Variants in DMD observed in about 807,000 individuals in gnomAD.
The protein encoded by DMD is dystrophin, also known as mutant dystrophin.
Under a neutral mutation model 330.1 loss-of-function variants are expected in DMD, and 63 were observed. That is an observed-to-expected ratio of 0.19 (90% confidence interval 0.16 to 0.24). DMD has a LOEUF of 0.24. Ranked by LOEUF, DMD falls within the 10% of genes least tolerant of loss-of-function variation. The pLI is 1.00. For synonymous variants in DMD, 1,223 were observed against 959.8 expected, an observed-to-expected ratio of 1.27 and a Z score of -5.07; for missense variants, 3,344 against 2,684.1, an observed-to-expected ratio of 1.25 and a Z score of -5.43.
At chrX:32,087,931 G>A (rs1327290289) in intron 44 of DMD, among the ~76,000 whole-genome samples, 2 of 112,189 alleles carry the variant, frequency 1.8e-5, no homozygotes, top group African/African-American at 6.5e-5. Context: ...ACACACAGAT[G>A]AATCTGACAT....
At position 32,193,181 on chromosome X, in the gene DMD, G is replaced by A. The variant is rs189120117; in HGVS notation, c.6438+23735C>T. ...GCTTCCCGAAGCCTCCACAGAAGGA[G>A]ATGCTGCTATGCTTCCGGTACAGCC... On this transcript the variant is annotated intron_variant, in intron 44 of 78. Transcript: ENST00000357033. Among the ~76,000 whole-genome samples, 10 of 111,748 alleles carry A rather than the reference G, an allele frequency of 8.9e-5. No individual in the cohort carries two copies. In the Admixed American group the frequency reaches 9.6e-4, roughly 11 times the overall value.
chrX:32,743,968 T>C (rs1315198434), intron 7 of DMD, among the ~76,000 whole-genome samples: 1 of 111,170 alleles, frequency 9.0e-6, no homozygotes, highest in African/African-American at 3.3e-5. Flanking sequence ...GCCTAATAAA[T>C]ATATAGAAAC....
At chrX:33,111,859 C>T (rs2095342094) in intron 1 of DMD, among the ~76,000 whole-genome samples, 1 of 111,158 alleles carries the variant, frequency 9.0e-6, no homozygotes, top group Non-Finnish European at 1.9e-5. Flanking sequence ...GATTCACCTG[C>T]CTCGGCCTCC....
chrX:32,880,030 TA>T (rs78543412), intron 2 of DMD, among the ~76,000 whole-genome samples: 1 of 109,551 alleles, frequency 9.1e-6, no homozygotes, highest in Non-Finnish European at 1.9e-5. Context: ...ATGCAAAACA[TA>T]AAAAAAAACT....
At chrX:32,792,141 T>A (rs1421158455) in intron 7 of DMD, among the ~76,000 whole-genome samples, 1 of 111,736 alleles carries the variant, frequency 8.9e-6, no homozygotes. Context: ...CCAGCCAAGG[T>A]AGCCTTCATA....
chrX:32,320,964 T>C (rs1481849557), intron 41 of DMD, among the ~76,000 whole-genome samples: 10 of 111,941 alleles, frequency 8.9e-5, no homozygotes, highest in Non-Finnish European at 1.3e-4. Flanking sequence ...CTATATCCAA[T>C]TGATTTTACT....
chrX:33,139,605 A>C (rs1174286327), intron 1 of DMD, among the ~76,000 whole-genome samples: 3 of 109,785 alleles, frequency 2.7e-5, no homozygotes, highest in African/African-American at 1.0e-4. Context: ...TATTCTCATG[A>C]GATACGGTTG....
rs758183424 is a variant in DMD, at chrX:32,814,242, T to C, written c.530+2226A>G. On this transcript the variant is annotated intron_variant, in intron 6 of 78. Coordinates refer to ENST00000357033, the MANE Select transcript of DMD (RefSeq NM_004006.3). ...ATTGTAATTTTATCTGCATCTTTTGTACATATTTCTAAGCAATTATCATTG... is the reference window on the plus strand; with the variant it reads ...ATTGTAATTTTATCTGCATCTTTTGCACATATTTCTAAGCAATTATCATTG... Among the ~76,000 whole-genome samples the C allele has an allele frequency of 3.6e-5, 4 of 112,564 alleles. No homozygotes were observed. In the South Asian group the frequency reaches 1.5e-3, roughly 41 times the overall value.
chrX:31,399,363 A>C (rs149396239), intron 60 of DMD, among the ~76,000 whole-genome samples: 1,644 of 95,785 alleles, frequency 0.017, 21 homozygotes, highest in Middle Eastern at 0.027. Context: ...TTGATGTCCA[A>C]CTGTAGTTTC....
intron 1 of DMD, among the ~76,000 whole-genome samples, chrX:33,117,080 T>TATA (rs781703947): frequency 5.9e-5 from 6 of 101,921 alleles, no homozygotes; most frequent in African/African-American, 2.2e-4. Flanking sequence ...ATATATATAT[T>TATA]TTTTAACATA....
At chrX:33,205,722 C>T (rs867010581) in intron 1 of DMD, among the ~76,000 whole-genome samples, 2 of 111,625 alleles carry the variant, frequency 1.8e-5, no homozygotes, top group South Asian at 7.4e-4. Context: ...TTTATTTGCC[C>T]ATAATTGGAA....
intron 2 of DMD, among the ~76,000 whole-genome samples, chrX:32,916,802 A>C (rs920068938): frequency 3.0e-4 from 33 of 111,667 alleles, no homozygotes; most frequent in African/African-American, 1.1e-3. Context: ...TGAGGTTTAA[A>C]GAGCATTTTT....
intron 50 of DMD, among the ~76,000 whole-genome samples, chrX:31,813,054 C>G (rs139037798): frequency 1.8e-5 from 2 of 111,714 alleles, no homozygotes; most frequent in Admixed American, 9.5e-5. Flanking sequence ...TGTATCTCAG[C>G]AGGGAACAAA....
rs1380080543 is a variant in DMD, at chrX:32,970,059, C to G, written c.93+50080G>C. 2.1e-5 allele frequency among the ~76,000 whole-genome samples: 2 copies of G among 94,701 alleles called. 1 individual carries two copies. The highest frequency in any genetic ancestry group is 4.0e-5 in the Non-Finnish European group (2 of 49,491). The allele number at this position is 94,701 out of a possible 115,157, so 82.2% of individuals were successfully genotyped here. ...TCCATAGTCAATGATGGCGATGGTC[C>G]TCAACTCTTGCCTCCAAAATGCATT... On this transcript the variant is annotated intron_variant, in intron 2 of 78. Coordinates refer to ENST00000357033, the MANE Select transcript of DMD (RefSeq NM_004006.3).
chrX:31,839,423 GTA>G (rs1318759740), intron 48 of DMD, among the ~76,000 whole-genome samples: 1 of 111,894 alleles, frequency 8.9e-6, no homozygotes, highest in African/African-American at 3.2e-5. Flanking sequence ...TTAAGAGTGT[GTA>G]TTACTAGAGA....
chrX:32,891,132 T>C (rs1603458852), intron 2 of DMD, among the ~76,000 whole-genome samples: 2 of 112,608 alleles, frequency 1.8e-5, no homozygotes, highest in East Asian at 5.5e-4. Context: ...ATATAGCTTA[T>C]ATTTCTTTTG....
Position 32,894,217 on chromosome X carries a change from A to G in DMD, c.94-44397T>C, listed in dbSNP as rs963058213. On this transcript the variant is annotated intron_variant, in intron 2 of 78. Coordinates refer to ENST00000357033, the MANE Select transcript of DMD (RefSeq NM_004006.3). ...TGCCCAAATAAACGCGTTTGTTCAC[A>G]TCATGATGTTGTACTGAACCCCTAT... Among the ~76,000 whole-genome samples the G allele has an allele frequency of 2.7e-5, 3 of 112,236 alleles. No homozygotes were observed. The Admixed American group carries it at 2.8e-4, about 11-fold the overall frequency.
chrX:33,096,418 A>AGATATAT (rs893549281), intron 1 of DMD, among the ~76,000 whole-genome samples: 6 of 111,867 alleles, frequency 5.4e-5, no homozygotes, highest in Non-Finnish European at 1.1e-4. Context: ...TGTTTCTGTA[A>AGATATAT]GATATATTTT....
intron 44 of DMD, among the ~76,000 whole-genome samples, chrX:32,178,962 CTCTCTCT>C (rs1569549019): frequency 7.7e-5 from 8 of 104,271 alleles, no homozygotes; most frequent in African/African-American, 2.5e-4. Flanking sequence ...CTCTCTCTCT[CTCTCTCT>C]CTCTCTCTCT....
Sources: allele counts gnomAD v4.1 joint callset (sites outside exome capture counted in the v4.1 genomes callset), GRCh38; gene constraint gnomAD v4.1.1; transcripts MANE v1.5; gene names NCBI Gene and HGNC (gene_info 2026-07-23, HGNC 2026-07-21).